Variants in ROCK2 observed in about 807,000 individuals in gnomAD.
ROCK2 encodes the protein Rho associated coiled-coil containing protein kinase 2, also known as rho-associated protein kinase 2.
A neutral mutation model predicts 195.1 loss-of-function variants in ROCK2; 61 were observed. The ratio of observed to expected loss-of-function variants is 0.31; its 90% CI spans 0.25 to 0.39. The LOEUF is 0.39. ROCK2 is among the 10% of genes least tolerant of loss of function. The pLI is 1.00. For synonymous variants in ROCK2, 504 were observed against 545.5 expected (o/e 0.92, Z 1.06); for missense variants, 1,109 against 1,637.4 (o/e 0.68, Z 5.57).
In ROCK2 at chr2:11,311,712, T is replaced by C. The variant is rs115330176; in HGVS notation, c.142-23976A>G. On this transcript the variant is annotated intron_variant, in intron 1 of 32. Coordinates refer to ENST00000315872, the MANE Select transcript of ROCK2 (RefSeq NM_004850.5). ...CCCAGCAGTCAAACATTAGCAGCCA[T>C]ACCAGATGATAAAACTAAAATATCA... Among the ~76,000 whole-genome samples, 596 of 152,182 alleles carry C rather than the reference T, an allele frequency of 3.9e-3. 2 individuals are homozygous for C. Among genetic ancestry groups the C allele is most frequent in the African/African-American group, 0.013 (535 of 41,544 alleles).
At chr2:11,316,372 A>G (rs768257525) in intron 1 of ROCK2, among the ~76,000 whole-genome samples, 22 of 152,176 alleles carry the variant, frequency 1.4e-4, no homozygotes, top group Admixed American at 4.6e-4. Context: ...TACTAAAGTC[A>G]AAAACCATGT....
At chr2:11,335,499 T>C (rs1452548726) in intron 1 of ROCK2, among the ~76,000 whole-genome samples, 1 of 152,198 alleles carries the variant, frequency 6.6e-6, no homozygotes, top group Admixed American at 6.5e-5. Context: ...CCACATTCTC[T>C]CCACCAGTAA....
intron 12 of ROCK2, among the ~76,000 whole-genome samples, chr2:11,216,528 T>G (rs1664435195): frequency 6.8e-6 from 1 of 147,706 alleles, no homozygotes; most frequent in Non-Finnish European, 1.5e-5. Flanking sequence ...TTTTTTTTTT[T>G]GAGACAGAGT....
chr2:11,312,775 A>C (rs796878653), intron 1 of ROCK2, among the ~76,000 whole-genome samples: 8 of 152,274 alleles, frequency 5.3e-5, no homozygotes, highest in African/African-American at 1.9e-4. Flanking sequence ...GGTATATGGA[A>C]TATTATTCAG....
chr2:11,333,364 G>C lies in ROCK2; in HGVS notation c.141+10632C>G, dbSNP rs540510046. Among the ~76,000 whole-genome samples the C allele has an allele frequency of 4.4e-4, 67 of 152,160 alleles. No individual in the cohort carries two copies. In the East Asian group the frequency reaches 0.013, roughly 29 times the overall value. ...TTTATTTGTTCAACCAATATGAAAG[G>C]CTTATTACAAGTAAGATACTATGTA... is the stretch of plus-strand genomic sequence containing the variant. On this transcript the variant is annotated intron_variant, in intron 1 of 32. Transcript: ENST00000315872.
chr2:11,198,913 G>C (rs1663744343), intron 23 of ROCK2, 139 bp from the exon 24 acceptor site: 2 of 572,438 alleles, frequency 3.5e-6, no homozygotes, highest in Non-Finnish European at 5.8e-6. Context: ...ACAGAGTCTT[G>C]CTCTGTCACC....
chr2:11,269,968 G>T (rs12477052), intron 3 of ROCK2, among the ~76,000 whole-genome samples: 110,857 of 152,000 alleles, frequency 0.73, 42,373 homozygotes, highest in East Asian at 0.94. Context: ...TGCCCAGGCC[G>T]GTCTCAAACT....
intron 1 of ROCK2, among the ~76,000 whole-genome samples, chr2:11,331,045 A>C (rs188216076): frequency 0.045 from 5,726 of 127,034 alleles, 260 homozygotes; most frequent in Non-Finnish European, 0.065. Flanking sequence ...AGGAGGAGGG[A>C]GGAGGAGGAG....
intron 7 of ROCK2, among the ~76,000 whole-genome samples, chr2:11,223,001 C>T (rs1244874061): frequency 6.6e-6 from 1 of 152,142 alleles, no homozygotes; most frequent in African/African-American, 2.4e-5. Flanking sequence ...AATTTATCAT[C>T]CAGCACAAAT....
intron 3 of ROCK2, 95 bp downstream of exon 3, chr2:11,286,444 G>C: frequency 1.3e-6 from 1 of 754,922 alleles, no homozygotes; most frequent in Non-Finnish European, 2.3e-6. Context: ...TCTGGCATGG[G>C]TGGGCATAGA....
chr2:11,340,440 C>T (rs1435327737), intron 1 of ROCK2, among the ~76,000 whole-genome samples: 2 of 152,096 alleles, frequency 1.3e-5, no homozygotes, highest in Admixed American at 6.6e-5. Context: ...TTCCACACAT[C>T]ACCTTTTTTT....
chr2:11,214,478 GT>G lies in ROCK2; in HGVS notation c.1937-16del. On this transcript the variant is annotated splice_polypyrimidine_tract_variant and intron_variant, in intron 16 of 32. Coordinates refer to ENST00000315872, the MANE Select transcript of ROCK2 (RefSeq NM_004850.5). ...ACATATTCTACCTAAAAATTGCAAC[GT>G]TTTTTTAAAACATTAAACCCACAAA... The G allele has an allele frequency of 6.9e-7, 1 of 1,446,950 alleles. No homozygotes were observed. The highest frequency in any genetic ancestry group is 9.6e-7 in the Non-Finnish European group (1 of 1,039,260). 89.6% of individuals were successfully genotyped at this position (1,446,950 alleles called of 1,614,324 possible). A position where few individuals can be genotyped will look rare whatever the true frequency, so the allele number is the denominator to read the frequency against.
intron 8 of ROCK2, among the ~76,000 whole-genome samples, chr2:11,221,688 T>C (rs1045414309): frequency 6.6e-6 from 1 of 152,176 alleles, no homozygotes. Context: ...ATGTCATATA[T>C]ACATAGTAAA....
chr2:11,207,424 G>A (rs1406188036), intron 20 of ROCK2, among the ~76,000 whole-genome samples: 2 of 152,172 alleles, frequency 1.3e-5, no homozygotes, highest in East Asian at 3.8e-4. Flanking sequence ...CAATAAGCTT[G>A]AGAAAGAGCC....
rs578202682 is a variant in ROCK2, at chr2:11,235,231, G to C, written c.723+471C>G. 3.3e-5 allele frequency among the ~76,000 whole-genome samples: 5 copies of C among 152,306 alleles called. No individual in the cohort carries two copies. In the South Asian group the frequency reaches 1.0e-3, roughly 32 times the overall value. The stretch of plus-strand genomic sequence containing the variant: ...CAACAGGTAAAGCATCGGAACAGAT[G>C]ATGTTCCCAAATTTATTCTGTGTGG... On this transcript the variant is annotated intron_variant, in intron 5 of 32. Coordinates refer to ENST00000315872, the MANE Select transcript of ROCK2 (RefSeq NM_004850.5). The surrounding 1 kb of genome is among the most constrained non-coding windows in gnomAD (Gnocchi z 4.2).
In ROCK2 at chr2:11,330,815, GGGGAGGAGGAGGGGGAGGAAGA is replaced by G. The variant is rs765464528; in HGVS notation, c.141+13159_141+13180del. ...GAGAGGAGGGAGGAGAGAGGAGGAA[GGGGAGGAGGAGGGGGAGGAAGA>G]GGGAGGAGGAGGGGGAGGAAGAGGG... On this transcript the variant is annotated intron_variant, in intron 1 of 32. Transcript: ENST00000315872. Among the ~76,000 whole-genome samples, 22 of 21,038 alleles carry G rather than the reference GGGGAGGAGGAGGGGGAGGAAGA, an allele frequency of 1.0e-3. 2 individuals carry two copies. Among genetic ancestry groups the G allele is most frequent in the East Asian group, 2.5e-3 (1 of 396 alleles). The allele number at this position is 21,038 out of a possible 152,430, so 13.8% of individuals were successfully genotyped here. A position where few individuals can be genotyped will look rare whatever the true frequency, so the allele number is the denominator to read the frequency against.
intron 3 of ROCK2, among the ~76,000 whole-genome samples, chr2:11,257,183 G>A (rs1410136113): frequency 6.6e-6 from 1 of 151,524 alleles, no homozygotes; most frequent in Non-Finnish European, 1.5e-5. Context: ...GCAGGGGCTG[G>A]TATGCGCTGG....
chr2:11,265,129 A>C (rs1278255563), intron 3 of ROCK2, among the ~76,000 whole-genome samples: 1 of 152,214 alleles, frequency 6.6e-6, no homozygotes, highest in Non-Finnish European at 1.5e-5. Context: ...AGGTTACTAA[A>C]TACAAATGGA....
At chr2:11,206,825 T>C (rs1045588048) in intron 20 of ROCK2, among the ~76,000 whole-genome samples, 1 of 152,246 alleles carries the variant, frequency 6.6e-6, no homozygotes, top group Non-Finnish European at 1.5e-5. Context: ...ACAAGGAAGC[T>C]ATTACTGCTC....
Sources: allele counts gnomAD v4.1 joint callset (sites outside exome capture counted in the v4.1 genomes callset), GRCh38; gene constraint gnomAD v4.1.1; non-coding constraint Gnocchi (gnomAD v3.1); transcripts MANE v1.5; gene names NCBI Gene and HGNC (gene_info 2026-07-23, HGNC 2026-07-21).